The following TMEM183A variants were observed in gnomAD, a reference collection of about 807,000 sequenced individuals.
TMEM183A encodes the protein transmembrane protein 183A, also known as chromosome 1 open reading frame 37.
Under a neutral mutation model 46.7 loss-of-function variants are expected in TMEM183A, and 21 were observed. The ratio of observed to expected loss-of-function variants is 0.45; its 90% CI spans 0.32 to 0.65. The LOEUF (loss-of-function observed/expected upper bound fraction) is 0.65. TMEM183A is among the 30% of genes least tolerant of loss of function. TMEM183A has a pLI of 0.04. For synonymous variants in TMEM183A, 165 were observed against 180.2 expected, an observed-to-expected ratio of 0.92 and a Z score of 0.68; for missense variants, 331 against 481.9, an observed-to-expected ratio of 0.69 and a Z score of 2.93.
At position 203,018,402 on chromosome 1, in the gene TMEM183A, G is replaced by T. The variant is rs1657366449; in HGVS notation, c.709-79G>T. The T allele has an allele frequency of 2.0e-6, 3 of 1,507,574 alleles. No individual in the cohort carries two copies. In the African/African-American group the frequency reaches 4.2e-5, roughly 21 times the overall value. 93.4% of individuals were successfully genotyped at this position (1,507,574 alleles called of 1,614,324 possible). ...GAGCTGTCAAACAGAAAGGTTTTTG[G>T]TGATTATTTTGGTTGTAGTGTATTT... On this transcript the variant is annotated intron_variant, in intron 5 of 7. Transcript: ENST00000367242.
At chr1:203,010,138 C>CAAAA (rs3041263) in intron 3 of TMEM183A, among the ~76,000 whole-genome samples, 1 of 139,754 alleles carries the variant, frequency 7.2e-6, no homozygotes, top group Admixed American at 7.1e-5. Flanking sequence ...GACTCTGTCT[C>CAAAA]AAAAAAAAAA....
At chr1:203,008,133 G>T (rs879541550) in intron 2 of TMEM183A, among the ~76,000 whole-genome samples, 1 of 152,138 alleles carries the variant, frequency 6.6e-6, no homozygotes, top group Non-Finnish European at 1.5e-5. Flanking sequence ...CTTTGCTGTA[G>T]TTCACATGTT....
intron 3 of TMEM183A, among the ~76,000 whole-genome samples, chr1:203,011,413 T>C (rs1462819474): frequency 1.3e-5 from 2 of 152,178 alleles, no homozygotes; most frequent in Non-Finnish European, 2.9e-5. Context: ...CTTATTATTT[T>C]TTTATTTTTT....
chr1:203,020,671 AAG>A (rs1460165552), intron 6 of TMEM183A, 120 bp from the exon 7 acceptor site: 8 of 1,228,498 alleles, frequency 6.5e-6, no homozygotes, highest in Non-Finnish European at 9.1e-6. Flanking sequence ...AACATGTATA[AAG>A]AGAGAAGATA....
intron 6 of TMEM183A, among the ~76,000 whole-genome samples, 160 bp downstream of exon 6, chr1:203,018,721 T>A (rs1353405357): frequency 1.3e-5 from 2 of 152,202 alleles, no homozygotes; most frequent in African/African-American, 4.8e-5. Context: ...GGCTGGGAAG[T>A]CCAAGATCAA....
rs1411286645 is a variant in TMEM183A at position 203,013,427 on chromosome 1, T to C, written c.368-1462T>C. Among the ~76,000 whole-genome samples the C allele has an allele frequency of 6.6e-6, 1 of 152,176 alleles. No individual in the cohort carries two copies. The highest frequency in any genetic ancestry group is 1.5e-5 in the Non-Finnish European group (1 of 68,040). On this transcript the variant is annotated intron_variant, in intron 3 of 7. Transcript: ENST00000367242. The surrounding 1 kb of genome is among the most constrained non-coding windows in gnomAD (Gnocchi z 4.0). The stretch of plus-strand genomic sequence containing the variant: ...GTGTATTACCTGAACCTGAGAAGTA[T>C]AGTGGACATCAAGGTCAAGAGAATT...
Position 203,019,458 on chromosome 1 carries a change from G to T in TMEM183A, c.789+897G>T, listed in dbSNP as rs529559293. Among the ~76,000 whole-genome samples, 4 of 152,244 alleles carry T rather than the reference G, an allele frequency of 2.6e-5. 1 individual carries two copies. Among genetic ancestry groups the T allele is most frequent in the African/African-American group, 9.6e-5 (4 of 41,542 alleles). ...GAAATAATTGTTAATTTTCTTATGG[G>T]TGATAATGATAATGTGGTTATATGT... On this transcript the variant is annotated intron_variant, in intron 6 of 7. Transcript: ENST00000367242.
At chr1:203,020,600 G>A (rs1249768703) in intron 6 of TMEM183A, among the ~76,000 whole-genome samples, 193 bp from the exon 7 acceptor site, 3 of 152,156 alleles carry the variant, frequency 2.0e-5, no homozygotes, top group Admixed American at 6.5e-5. Flanking sequence ...TGCCACATTT[G>A]CTCATCCAAA....
intron 4 of TMEM183A, chr1:203,015,325 T>C: frequency 2.2e-6 from 1 of 456,060 alleles, no homozygotes; most frequent in Non-Finnish European, 3.9e-6. Context: ...AGTCTTTGAC[T>C]TTTCTTCAGA....
In TMEM183A at chr1:203,007,762, G is replaced by A; in HGVS notation, c.110-12G>A. On this transcript the variant is annotated splice_polypyrimidine_tract_variant and intron_variant, in intron 1 of 7. Coordinates refer to ENST00000367242, the MANE Select transcript of TMEM183A (RefSeq NM_138391.6). ...GAAGGCCTCTTCCTTGAGGGTTGGT[G>A]CTGTGTTGCAGTGACCGTGGCGGAT... The A allele has an allele frequency of 2.5e-6, 4 of 1,613,946 alleles. No homozygotes were observed. Among genetic ancestry groups the A allele is most frequent in the Non-Finnish European group, 3.4e-6 (4 of 1,179,840 alleles).
intron 2 of TMEM183A, 93 bp downstream of exon 2, chr1:203,007,956 C>A: frequency 6.7e-7 from 1 of 1,492,604 alleles, no homozygotes; most frequent in Non-Finnish European, 9.1e-7. Context: ...AGTCGTCTTC[C>A]TGTAACCGTG....
intron 6 of TMEM183A, 93 bp from the exon 7 acceptor site, chr1:203,020,700 G>GC: frequency 6.7e-7 from 1 of 1,488,490 alleles, no homozygotes; most frequent in Non-Finnish European, 9.2e-7. Context: ...TATCTCACTA[G>GC]CTTTAGTTGA....
chr1:203,016,948 T>C (rs1657220231), intron 5 of TMEM183A, among the ~76,000 whole-genome samples: 1 of 152,224 alleles, frequency 6.6e-6, no homozygotes, highest in Admixed American at 6.5e-5. Flanking sequence ...TTTCCCATTC[T>C]CTTGTAGTTT....
chr1:203,015,550 C>CA (rs1290247403), intron 4 of TMEM183A: 1 of 217,312 alleles, frequency 4.6e-6, no homozygotes, highest in African/African-American at 2.3e-5. Flanking sequence ...AGTGTAGTGA[C>CA]AATTGTAAAC....
At chr1:203,012,152 A>T (rs937945894) in intron 3 of TMEM183A, among the ~76,000 whole-genome samples, 22 of 125,562 alleles carry the variant, frequency 1.8e-4, no homozygotes, top group South Asian at 5.4e-4. Flanking sequence ...ACTCCATCAC[A>T]CACACACACA....
At position 203,014,961 on chromosome 1, in the gene TMEM183A, C is replaced by T. The variant is rs533689837; in HGVS notation, c.440C>T (p.Pro147Leu). ...IWLLLASYIRPEDIVNFSLIC... is the reference protein window; with the variant it reads ...IWLLLASYIRLEDIVNFSLIC... ...CTATTGCTGGCCTCCTATATCCGTCCTGAGGACATTGTGAATTTTTCCCTG... is the reference window on the plus strand; with the variant it reads ...CTATTGCTGGCCTCCTATATCCGTCTTGAGGACATTGTGAATTTTTCCCTG... The change falls in exon 4 of 8, where the codon CCT (proline) becomes CTT (leucine). Residue 147 changes from proline (P) to leucine (L), a missense_variant. Transcript: ENST00000367242. 2 of 1,613,822 alleles carry T rather than the reference C, an allele frequency of 1.2e-6. No homozygotes were observed. Among genetic ancestry groups the T allele is most frequent in the South Asian group, 1.1e-5 (1 of 91,064 alleles).
intron 5 of TMEM183A, chr1:203,017,856 C>T (rs1657314594): frequency 2.0e-6 from 2 of 985,944 alleles, no homozygotes; most frequent in African/African-American, 3.5e-5. Context: ...GCAGGACGTA[C>T]AGGGCATGTC....
chr1:203,016,628 T>C (rs1478955795), intron 5 of TMEM183A, among the ~76,000 whole-genome samples: 1 of 152,184 alleles, frequency 6.6e-6, no homozygotes, highest in Non-Finnish European at 1.5e-5. Context: ...TTCTGTAGCA[T>C]TTGGAAGTGC....
In TMEM183A at chr1:203,024,816, A is replaced by G. The variant is rs1658055410; in HGVS notation, c.*1776A>G. 6.6e-6 allele frequency: 1 copy of G among 152,218 alleles called. No individual in the cohort carries two copies. The highest frequency in any genetic ancestry group is 6.5e-5 in the Admixed American group (1 of 15,284). 9.4% of individuals were successfully genotyped at this position (152,218 alleles called of 1,614,324 possible). A position where few individuals can be genotyped will look rare whatever the true frequency, so the allele number is the denominator to read the frequency against. On this transcript the variant is annotated 3_prime_UTR_variant, in exon 8 of 8. Transcript: ENST00000367242. ...TCCCCGCTTAGGAGTACCTTTAAAA[A>G]GGGGGTGAAATAAATTTGGCTTAAT...
Sources: gnomAD v4.1 joint callset for allele counts (sites outside exome capture counted in the v4.1 genomes callset) on GRCh38, gnomAD v4.1.1 for gene constraint, Gnocchi (gnomAD v3.1) non-coding constraint, MANE v1.5 for transcripts, NCBI Gene and HGNC (gene_info 2026-07-23, HGNC 2026-07-21) for gene names.